CCDC191: variants seen among roughly 807,000 people sequenced by gnomAD.
The protein encoded by CCDC191 is coiled-coil domain containing 191.
CCDC191 carries 99 observed loss-of-function variants against 114.0 expected under a neutral mutation model. The ratio of observed to expected loss-of-function variants is 0.87; its 90% CI spans 0.74 to 1.03. The LOEUF is 1.03. Among genes scored for constraint, CCDC191 ranks in the 50% least tolerant of loss-of-function variants. CCDC191 has a pLI of 0.00. For missense variants in CCDC191, 973 were observed against 1,087.0 expected, an observed-to-expected ratio of 0.90 and a Z score of 1.47; for synonymous variants, 351 against 376.0, an observed-to-expected ratio of 0.93 and a Z score of 0.77.
intron 9 of CCDC191, among the ~76,000 whole-genome samples, chr3:114,008,587 G>A (rs1012767133): frequency 1.3e-5 from 2 of 151,966 alleles, no homozygotes; most frequent in Admixed American, 6.6e-5. Context: ...AGAAGAAGCC[G>A]ACAGGATTGA....
chr3:113,985,239 C>G (rs753840447), intron 13 of CCDC191, among the ~76,000 whole-genome samples: 7 of 152,104 alleles, frequency 4.6e-5, no homozygotes, highest in Non-Finnish European at 8.8e-5. Context: ...AGAGGCACAG[C>G]AGCAACTGCA....
intron 11 of CCDC191, chr3:114,003,530 T>C: frequency 3.0e-6 from 3 of 985,412 alleles, no homozygotes; most frequent in Non-Finnish European, 3.6e-6. Context: ...TCTGGTAATA[T>C]GCCCTTTGCC....
chr3:114,033,826 A>T (rs551534359), intron 6 of CCDC191, among the ~76,000 whole-genome samples: 2 of 152,364 alleles, frequency 1.3e-5, no homozygotes, highest in East Asian at 3.9e-4. Context: ...CACTTGAAGA[A>T]GTAAAGCACA....
intron 16 of CCDC191, among the ~76,000 whole-genome samples, chr3:113,974,234 A>C (rs746748305): frequency 6.6e-6 from 1 of 151,458 alleles, no homozygotes; most frequent in African/African-American, 2.4e-5. Context: ...TGTTGGTTAG[A>C]GTTTACATAT....
chr3:113,966,990 T>C (rs1218551835), intron 16 of CCDC191, among the ~76,000 whole-genome samples: 3 of 152,016 alleles, frequency 2.0e-5, no homozygotes, highest in East Asian at 1.9e-4. Context: ...TCCCAGCTAC[T>C]TGGGAGGCTG....
chr3:113,968,024 C>T (rs114171304), intron 16 of CCDC191, among the ~76,000 whole-genome samples: 1,745 of 152,250 alleles, frequency 0.011, 16 homozygotes, highest in Non-Finnish European at 0.018. Context: ...TTTCTTTATG[C>T]ATTTATCCAC....
intron 4 of CCDC191, among the ~76,000 whole-genome samples, chr3:114,039,762 T>C (rs2076535983): frequency 6.6e-6 from 1 of 152,122 alleles, no homozygotes; most frequent in Non-Finnish European, 1.5e-5. Flanking sequence ...AAAAAGTATA[T>C]AGAATATAAA....
intron 7 of CCDC191, among the ~76,000 whole-genome samples, chr3:114,029,246 G>A (rs1391313871): frequency 1.3e-5 from 2 of 152,136 alleles, no homozygotes. Context: ...GAGCCAACTT[G>A]ATAGGTTTCC....
chr3:114,006,173 C>A, intron 9 of CCDC191: 2 of 643,412 alleles, frequency 3.1e-6, no homozygotes, highest in Non-Finnish European at 5.7e-6. Context: ...GAGTGGCCGG[C>A]TGTGGTGGCT....
intron 4 of CCDC191, chr3:114,037,219 T>C (rs2076498360): frequency 6.6e-6 from 1 of 152,260 alleles, no homozygotes; most frequent in Admixed American, 6.5e-5. Flanking sequence ...AGTAAAACCA[T>C]CACCACAGTC....
Position 114,056,473 on chromosome 3 carries a change from A to G in CCDC191, c.-7T>C. The stretch of plus-strand genomic sequence containing the variant: ...CCTGAGGCGCCAGGAGCATTTTCCA[A>G]GTTCGAGCCCGAACCTCGGCCAAAG... On this transcript the variant is annotated 5_prime_UTR_variant, in exon 1 of 17. Transcript: ENST00000295878. 1.2e-6 allele frequency: 2 copies of G among 1,614,036 alleles called. No individual in the cohort carries two copies. The highest frequency in any genetic ancestry group is 1.7e-6 in the Non-Finnish European group (2 of 1,179,992).
chr3:114,056,354 C>G, intron 1 of CCDC191, 23 bp downstream of exon 1: 1 of 1,613,036 alleles, frequency 6.2e-7, no homozygotes, highest in Admixed American at 1.7e-5. Context: ...TCCCCGCCCT[C>G]CAAAGCTCTC....
intron 8 of CCDC191, among the ~76,000 whole-genome samples, chr3:114,014,021 C>T (rs1047932874): frequency 6.6e-6 from 1 of 152,104 alleles, no homozygotes; most frequent in Non-Finnish European, 1.5e-5. Flanking sequence ...TAAGGTAATA[C>T]CCACTGTCTT....
chr3:114,009,248 AT>A (rs997927384), intron 9 of CCDC191, among the ~76,000 whole-genome samples: 19 of 152,072 alleles, frequency 1.2e-4, no homozygotes, highest in Non-Finnish European at 2.5e-4. Flanking sequence ...ATTTATTAGA[AT>A]TTTTTTTCTT....
intron 9 of CCDC191, 164 bp from the exon 10 acceptor site, chr3:114,006,126 T>C: frequency 1.4e-6 from 1 of 708,394 alleles, no homozygotes; most frequent in East Asian, 2.7e-5. Flanking sequence ...GCCACCACTC[T>C]TAAAACATGC....
In CCDC191 at chr3:113,980,700, CT is replaced by C; in HGVS notation, c.2256del (p.Gly753ValfsTer2). The C allele has an allele frequency of 1.2e-6, 2 of 1,609,330 alleles. No homozygotes were observed. Among genetic ancestry groups the C allele is most frequent in the Middle Eastern group, 1.7e-4 (1 of 6,046 alleles). On this transcript the variant is annotated frameshift_variant, in exon 14 of 17. Coordinates refer to ENST00000295878, the MANE Select transcript of CCDC191 (RefSeq NM_020817.2). LOFTEE classifies it high-confidence loss of function. The part of the protein sequence containing the change: ...EHYERVLLRK[K>X]GLEPWKRLRM... ...CTCAATCTCTTCCAAGGCTCTAGAC[CT>C]TTTTTCCTTAGCAAGACCCTTTCAT...
chr3:114,054,871 ATCT>A (rs983249057), intron 1 of CCDC191, among the ~76,000 whole-genome samples: 34 of 152,156 alleles, frequency 2.2e-4, no homozygotes, highest in African/African-American at 7.7e-4. Flanking sequence ...AAATAGAGTT[ATCT>A]TCTTCACTAA....
intron 13 of CCDC191, among the ~76,000 whole-genome samples, chr3:113,995,966 A>G (rs1427842415): frequency 1.4e-5 from 1 of 70,534 alleles, no homozygotes; most frequent in Non-Finnish European, 2.7e-5. Flanking sequence ...CCACTTTTTG[A>G]TGGGACTGTT....
intron 13 of CCDC191, among the ~76,000 whole-genome samples, chr3:113,990,061 A>G (rs1275146245): frequency 2.0e-5 from 3 of 152,220 alleles, no homozygotes; most frequent in East Asian, 1.9e-4. Context: ...AGAGGAAGAG[A>G]GCAAACTCTT....
Sources: allele counts gnomAD v4.1 joint callset (sites outside exome capture counted in the v4.1 genomes callset), GRCh38; gene constraint gnomAD v4.1.1; transcripts MANE v1.5; gene names NCBI Gene and HGNC (gene_info 2026-07-23, HGNC 2026-07-21).